DHRSX: variants seen among roughly 807,000 people sequenced by gnomAD.
The protein encoded by DHRSX is polyprenol dehydrogenase.
DHRSX carries 31 observed loss-of-function variants against 34.0 expected under a neutral mutation model. The observed-to-expected ratio is 0.91, with a 90% confidence interval of 0.69 to 1.23. The LOEUF (loss-of-function observed/expected upper bound fraction) is 1.23, where lower values mean the gene tolerates loss of function less well. Ranked by LOEUF, DHRSX falls within the 50% of genes most tolerant of loss-of-function variation. DHRSX has a pLI of 0.00. For missense variants in DHRSX, 414 were observed against 428.1 expected (o/e 0.97, Z 0.29); for synonymous variants, 201 against 183.8 (o/e 1.09, Z -0.76).
chrX:2,232,332 A>AAACAACAACAAC (rs112253934), intron 6 of DHRSX, among the ~76,000 whole-genome samples: 4 of 151,448 alleles, frequency 2.6e-5, no homozygotes, highest in African/African-American at 4.8e-5. Context: ...CTTGTTTTGA[A>AAACAACAACAAC]AACAACAACA....
At chrX:2,442,250 A>T (rs761771711) in intron 1 of DHRSX, among the ~76,000 whole-genome samples, 2 of 151,854 alleles carry the variant, frequency 1.3e-5, no homozygotes, top group Admixed American at 6.6e-5. Flanking sequence ...CTCCATCCTC[A>T]TCGTCTCCAT....
chrX:2,469,376 C>T (rs1160879299), intron 1 of DHRSX, among the ~76,000 whole-genome samples: 4 of 150,954 alleles, frequency 2.6e-5, no homozygotes, highest in African/African-American at 7.3e-5. Context: ...AAGGGACCGC[C>T]GCCATGTATA....
intron 1 of DHRSX, chrX:2,489,705 GC>G: frequency 6.2e-7 from 1 of 1,612,842 alleles, no homozygotes; most frequent in Non-Finnish European, 8.5e-7. Flanking sequence ...GCCACGTTCT[GC>G]TGCTTCTGCT....
At chrX:2,441,840 A>G (rs954817907) in intron 1 of DHRSX, among the ~76,000 whole-genome samples, 2 of 152,188 alleles carry the variant, frequency 1.3e-5, no homozygotes, top group African/African-American at 4.8e-5. Context: ...TGGGAGGCTG[A>G]GGCAGGTGGA....
intron 4 of DHRSX, among the ~76,000 whole-genome samples, chrX:2,270,543 A>G (rs62595521): frequency 0.58 from 88,174 of 151,430 alleles, 27,676 homozygotes; most frequent in Non-Finnish European, 0.74. Flanking sequence ...GAGGGCCCAC[A>G]GAAGACTCAG....
intron 1 of DHRSX, among the ~76,000 whole-genome samples, chrX:2,475,815 G>A (rs1391768369): frequency 1.3e-5 from 2 of 152,170 alleles, no homozygotes; most frequent in African/African-American, 2.4e-5. Context: ...TCCTACAGCT[G>A]TGGGAAAATG....
chrX:2,341,446 G>A lies in DHRSX; in HGVS notation c.287-49843C>T, dbSNP rs367992958. 1.6e-3 allele frequency among the ~76,000 whole-genome samples: 249 copies of A among 152,130 alleles called. 1 individual carries two copies. Among genetic ancestry groups the A allele is most frequent in the African/African-American group, 5.1e-3 (213 of 41,530 alleles). On this transcript the variant is annotated intron_variant, in intron 3 of 6. Coordinates refer to ENST00000334651, the MANE Select transcript of DHRSX (RefSeq NM_145177.3). ...TCCAGGCATCCCTGGGCTTATGGCC[G>A]CATCACTCCAGTCTCTGCCTCCGTC... is the stretch of plus-strand genomic sequence containing the variant.
At chrX:2,285,968 A>T (rs1170535917) in intron 4 of DHRSX, among the ~76,000 whole-genome samples, 1 of 152,190 alleles carries the variant, frequency 6.6e-6, no homozygotes, top group Non-Finnish European at 1.5e-5. Context: ...ACGAAGATGA[A>T]TTCTGATGCA....
chrX:2,346,666 T>TTG (rs1020473843), intron 3 of DHRSX, among the ~76,000 whole-genome samples: 17 of 151,738 alleles, frequency 1.1e-4, no homozygotes, highest in African/African-American at 4.1e-4. Flanking sequence ...GTTGTTGTTG[T>TTG]TTAATACTTT....
intron 1 of DHRSX, among the ~76,000 whole-genome samples, chrX:2,480,598 G>A (rs776798638): frequency 4.8e-4 from 73 of 151,184 alleles, no homozygotes; most frequent in African/African-American, 1.6e-3. Context: ...CAGGAGGATC[G>A]CTTCAGCCCA....
chrX:2,440,534 CTT>C (rs376847845), intron 1 of DHRSX, among the ~76,000 whole-genome samples: 1 of 142,050 alleles, frequency 7.0e-6, no homozygotes. Flanking sequence ...TTCTTTCTTT[CTT>C]TTTTTTTTTG....
At chrX:2,308,959 G>A (rs2042132806) in intron 3 of DHRSX, among the ~76,000 whole-genome samples, 1 of 152,018 alleles carries the variant, frequency 6.6e-6, no homozygotes, top group South Asian at 2.1e-4. Flanking sequence ...GGCAGGAAAT[G>A]CAAACTTACA....
chrX:2,349,297 G>A (rs1402284005), intron 3 of DHRSX, among the ~76,000 whole-genome samples: 1 of 151,944 alleles, frequency 6.6e-6, no homozygotes, highest in Non-Finnish European at 1.5e-5. Context: ...AGCTGGGTGC[G>A]GTGGCTCAGG....
chrX:2,266,044 C>T lies in DHRSX; in HGVS notation c.596+696G>A, dbSNP rs745910182. Reference sequence around the variant, plus strand: ...CTGTTCCCAGAGCACCAGTGTACAGCAGACGCAGGGAGCACTGTCCCCAGA... The same window carrying T: ...CTGTTCCCAGAGCACCAGTGTACAGTAGACGCAGGGAGCACTGTCCCCAGA... On this transcript the variant is annotated intron_variant, in intron 5 of 6. Transcript: ENST00000334651. Among the ~76,000 whole-genome samples the T allele has an allele frequency of 3.4e-4, 50 of 145,500 alleles. No homozygotes were observed. In the South Asian group the frequency reaches 4.7e-3, roughly 14 times the overall value.
intron 1 of DHRSX, among the ~76,000 whole-genome samples, chrX:2,474,691 CTAAG>C (rs1301782749): frequency 6.6e-6 from 1 of 151,806 alleles, no homozygotes. Flanking sequence ...AAGATGTTCC[CTAAG>C]TGTGTGGCTA....
intron 5 of DHRSX, among the ~76,000 whole-genome samples, chrX:2,246,716 G>GAAAGAAAGA (rs1176874007): frequency 5.1e-5 from 5 of 98,864 alleles, no homozygotes; most frequent in African/African-American, 1.6e-4. Context: ...GAGAAAGAAA[G>GAAAGAAAGA]AAAGAAAGAA....
intron 3 of DHRSX, among the ~76,000 whole-genome samples, chrX:2,316,459 G>A (rs2042242559): frequency 6.6e-6 from 1 of 152,234 alleles, no homozygotes; most frequent in Middle Eastern, 3.4e-3. Flanking sequence ...GGCTGGGGCA[G>A]GAGAATCGCT....
intron 3 of DHRSX, among the ~76,000 whole-genome samples, chrX:2,323,495 G>C (rs928584574): frequency 1.3e-5 from 2 of 152,086 alleles, no homozygotes; most frequent in Non-Finnish European, 1.5e-5. Flanking sequence ...AGACACGGTG[G>C]TACACGCCTG....
At chrX:2,346,808 C>G (rs368261874) in intron 3 of DHRSX, among the ~76,000 whole-genome samples, 2 of 151,904 alleles carry the variant, frequency 1.3e-5, no homozygotes, top group Non-Finnish European at 2.9e-5. Context: ...CAGTCCCCTA[C>G]TCCCCGACAG....
Sources: allele counts gnomAD v4.1 joint callset (sites outside exome capture counted in the v4.1 genomes callset), GRCh38; gene constraint gnomAD v4.1.1; transcripts MANE v1.5; gene names NCBI Gene and HGNC (gene_info 2026-07-23, HGNC 2026-07-21).